Variants in CP observed in about 807,000 individuals in gnomAD.
CP encodes the protein caeruloplasmin.
CP carries 64 observed loss-of-function variants against 122.4 expected under a neutral mutation model. That is an observed-to-expected ratio of 0.52 (90% confidence interval 0.43 to 0.64). CP has a LOEUF of 0.64. CP is among the 30% of genes least tolerant of loss of function. The pLI is 0.00. For missense variants in CP, 1,167 were observed against 1,284.4 expected, an observed-to-expected ratio of 0.91 and a Z score of 1.40; for synonymous variants, 440 against 436.4, an observed-to-expected ratio of 1.01 and a Z score of -0.10.
At chr3:149,204,186 T>C (rs546083217) in intron 6 of CP, among the ~76,000 whole-genome samples, 1 of 152,294 alleles carries the variant, frequency 6.6e-6, no homozygotes. Context: ...GTTTCAGCCT[T>C]CCATCCCAGG....
At chr3:149,163,864 G>T (rs374858345) in intron 5 of CP, 4 of 1,567,550 alleles carry the variant, frequency 2.6e-6, no homozygotes, top group Non-Finnish European at 3.5e-6. Flanking sequence ...AGTCATTATG[G>T]CTTAATTTAT....
chr3:149,221,103 A>T (rs1416511298), intron 1 of CP, among the ~76,000 whole-genome samples: 1 of 152,202 alleles, frequency 6.6e-6, no homozygotes, highest in Non-Finnish European at 1.5e-5. Context: ...CCGCTCTTTA[A>T]ATAACCCTAT....
chr3:149,175,079 G>A (rs1049966730), intron 18 of CP, among the ~76,000 whole-genome samples: 5 of 152,010 alleles, frequency 3.3e-5, no homozygotes, highest in African/African-American at 1.2e-4. Context: ...CCAGGCATTT[G>A]CACACATGAA....
At chr3:149,181,974 G>GCAC in intron 14 of CP, 31 bp downstream of exon 14, 11 of 1,356,680 alleles carry the variant, frequency 8.1e-6, no homozygotes, top group South Asian at 3.5e-5. Flanking sequence ...CTGTTAAAAT[G>GCAC]CACCACCCCC....
intron 11 of CP, 149 bp downstream of exon 11, chr3:149,186,371 T>C (rs1037726262): frequency 1.9e-5 from 14 of 729,910 alleles, no homozygotes; most frequent in East Asian, 1.3e-4. Flanking sequence ...CAGCTGATAG[T>C]GGCCTAGACT....
chr3:149,221,151 C>A (rs182068164), intron 1 of CP, among the ~76,000 whole-genome samples: 1 of 152,020 alleles, frequency 6.6e-6, no homozygotes, highest in African/African-American at 2.4e-5. Context: ...AAATTAGGAC[C>A]CTGAAGCTGT....
At chr3:149,188,023 G>T in intron 10 of CP, 29 bp downstream of exon 10, 1 of 1,609,854 alleles carries the variant, frequency 6.2e-7, no homozygotes, top group South Asian at 1.1e-5. Flanking sequence ...AAAATAACTT[G>T]GTAGATTGGT....
In CP at chr3:149,177,873, A is replaced by G; in HGVS notation, c.2985T>C (p.Thr995=). ...MGMGNEIDLH[T]VHFHGHSFQY... ...GGAAGCTATGGCCGTGAAAATGTACAGTGTGTAAGTCTATTTCATTGCCCA... is the reference window on the plus strand; with the variant it reads ...GGAAGCTATGGCCGTGAAAATGTACGGTGTGTAAGTCTATTTCATTGCCCA... The change falls in exon 17 of 19, where the codon ACT becomes ACC. Residue 995 remains threonine, a synonymous_variant. Transcript: ENST00000264613. 6.2e-7 allele frequency: 1 copy of G among 1,613,806 alleles called. No homozygotes were observed. Among genetic ancestry groups the G allele is most frequent in the Non-Finnish European group, 8.5e-7 (1 of 1,179,712 alleles).
intron 9 of CP, among the ~76,000 whole-genome samples, chr3:149,192,416 AG>A (rs1461906686): frequency 1.3e-5 from 2 of 152,058 alleles, no homozygotes; most frequent in Non-Finnish European, 2.9e-5. Context: ...AGCATTTTTA[AG>A]ATACTGACTA....
chr3:149,220,243 A>G (rs1236228197), intron 1 of CP, among the ~76,000 whole-genome samples: 3 of 152,200 alleles, frequency 2.0e-5, no homozygotes, highest in African/African-American at 7.2e-5. Context: ...CACTTAGTTT[A>G]TGCCTGATAA....
chr3:149,200,590 C>G (rs986331637), intron 7 of CP, among the ~76,000 whole-genome samples: 26 of 152,162 alleles, frequency 1.7e-4, no homozygotes, highest in Admixed American at 9.8e-4. Context: ...GCAACCTCTG[C>G]CTCCCAGGTT....
rs2108230478 is a variant in CP, at chr3:149,183,579, C to T, written c.2312G>A (p.Gly771Glu). The T allele has an allele frequency of 6.2e-7, 1 of 1,600,690 alleles. No homozygotes were observed. The highest frequency in any genetic ancestry group is 1.1e-5 in the South Asian group (1 of 90,088). The change falls in exon 13 of 19, where the codon GGA becomes GAA. Residue 771 changes from glycine to glutamate, a missense_variant. Physicochemically the swap from Gly to Glu is moderately conservative, Grantham distance 98. Coordinates refer to ENST00000264613, the MANE Select transcript of CP (RefSeq NM_000096.4). ...QNVSNAFLDK[G>E]EFYIGSKYKK... ...GTACTTTGAGCCTATGTAAAACTCTCCCTTATCTAAAAATGCATTTGAAAC... is the reference window on the plus strand; with the variant it reads ...GTACTTTGAGCCTATGTAAAACTCTTCCTTATCTAAAAATGCATTTGAAAC...
intron 7 of CP, among the ~76,000 whole-genome samples, chr3:149,201,754 C>T (rs898066611): frequency 2.6e-5 from 4 of 152,070 alleles, no homozygotes; most frequent in African/African-American, 9.7e-5. Flanking sequence ...TGCCACCACG[C>T]CCTGCTAATT....
rs17847018 is a variant in CP, at chr3:149,199,720, T to C, written c.1493A>G (p.Gln498Arg). The change falls in exon 8 of 19, where the codon CAG (glutamine) becomes CGG (arginine). Residue 498 changes from glutamine to arginine, a missense_variant. Transcript: ENST00000264613. ...GTYYSPNYNPQSRSVPPSASH... is the reference protein window; with the variant it reads ...GTYYSPNYNPRSRSVPPSASH... ...CAGTGCTGTATACTCACTTCTGCTCTGGGGGTTGTAATTTGGGGAATAGTA... is the reference window on the plus strand; with the variant it reads ...CAGTGCTGTATACTCACTTCTGCTCCGGGGGTTGTAATTTGGGGAATAGTA... 2.3e-4 allele frequency: 377 copies of C among 1,614,138 alleles called. 3 individuals carry two copies. In the East Asian group the frequency reaches 8.3e-3, roughly 35 times the overall value.
In CP at chr3:149,178,465, T is replaced by A. The variant is rs1725558275; in HGVS notation, c.2828A>T (p.Glu943Val). 2 of 1,613,402 alleles carry A rather than the reference T, an allele frequency of 1.2e-6. No homozygotes were observed. Among genetic ancestry groups the A allele is most frequent in the Non-Finnish European group, 1.7e-6 (2 of 1,179,490 alleles). Residue 943 changes from glutamate (E) to valine (V), a missense_variant, in exon 16 of 19, where the codon GAG (glutamate) becomes GTG (valine). This residue lies in a region of CP where 525 missense variants were observed against 657.2 expected (regional missense o/e 0.80). Transcript: ENST00000264613. ...DNIKTYSDHP[E>V]KVNKDDEEFI... ...TTCCTCATCATCTTTGTTTACTTTC[T>A]CGGGGTGATCAGAGTATGTTTTGAT...
intron 14 of CP, chr3:149,179,976 T>C (rs1725672898): frequency 3.1e-6 from 1 of 321,350 alleles, no homozygotes; most frequent in Non-Finnish European, 5.9e-6. Flanking sequence ...GCAACCAATC[T>C]CTTCTTAGCT....
chr3:149,178,841 C>T (rs912963118), intron 15 of CP, among the ~76,000 whole-genome samples: 3 of 152,156 alleles, frequency 2.0e-5, no homozygotes, highest in Non-Finnish European at 4.4e-5. Flanking sequence ...GTGGGTGATG[C>T]TGACATAACA....
At chr3:149,209,174 A>G (rs776277467) in intron 4 of CP, 37 bp downstream of exon 4, 6 of 1,612,920 alleles carry the variant, frequency 3.7e-6, no homozygotes, top group Non-Finnish European at 5.1e-6. Context: ...GATCAAGGGA[A>G]AAAAAAGTAA....
downstream of CP, chr3:149,172,287 G>T: frequency 7.9e-6 from 10 of 1,266,428 alleles, no homozygotes; most frequent in East Asian, 2.7e-5. Flanking sequence ...GAATGCCAAA[G>T]TACAAGTAGA....
Sources: allele counts gnomAD v4.1 joint callset (sites outside exome capture counted in the v4.1 genomes callset), GRCh38; gene constraint gnomAD v4.1.1; regional missense constraint gnomAD v4.1.1; transcripts MANE v1.5; gene names NCBI Gene and HGNC (gene_info 2026-07-23, HGNC 2026-07-21).